The following NXN variants were observed in gnomAD, a reference collection of about 807,000 sequenced individuals.
NXN encodes nucleoredoxin.
A neutral mutation model predicts 48.6 loss-of-function variants in NXN; 16 were observed. The observed-to-expected ratio is 0.33, with a 90% CI of 0.22 to 0.50. The LOEUF is 0.50. Among genes scored for constraint, NXN ranks in the 20% least tolerant of loss-of-function variants. NXN has a pLI of 0.98. For missense variants in NXN, 492 were observed against 605.5 expected (o/e 0.81, Z 1.97); for synonymous variants, 281 against 269.6 (o/e 1.04, Z -0.41).
intron 1 of NXN, among the ~76,000 whole-genome samples, chr17:931,188 G>A (rs190635036): frequency 2.6e-5 from 4 of 151,902 alleles, no homozygotes; most frequent in African/African-American, 9.7e-5. Context: ...ACAGGAGGCT[G>A]AGGTGGGAGA....
At chr17:933,146 A>G (rs1391946966) in intron 1 of NXN, among the ~76,000 whole-genome samples, 2 of 151,236 alleles carry the variant, frequency 1.3e-5, no homozygotes, top group African/African-American at 4.9e-5. Flanking sequence ...ACTCTTGTGG[A>G]TCTGATGTGA....
intron 1 of NXN, among the ~76,000 whole-genome samples, chr17:954,847 T>C (rs1426879695): frequency 6.6e-6 from 1 of 152,238 alleles, no homozygotes; most frequent in African/African-American, 2.4e-5. Flanking sequence ...CCTGACCTTC[T>C]GTAAATTCCT....
chr17:965,269 C>T (rs1432281785), intron 1 of NXN, among the ~76,000 whole-genome samples: 2 of 152,116 alleles, frequency 1.3e-5, no homozygotes, highest in East Asian at 1.9e-4. Flanking sequence ...GAGGGAGTCT[C>T]GATTTTCAAA....
chr17:882,703 G>T lies in NXN; in HGVS notation c.361-56625C>A, dbSNP rs181157562. Among the ~76,000 whole-genome samples the T allele has an allele frequency of 4.4e-4, 67 of 152,134 alleles. No homozygotes were observed. In the East Asian group the frequency reaches 0.011, roughly 25 times the overall value. Reference sequence around the variant, plus strand: ...GATGGTCTCGATCTCCTGACCTCGTGATCTGCCTGCCTTGGCCTCCCAAAG... The same window carrying T: ...GATGGTCTCGATCTCCTGACCTCGTTATCTGCCTGCCTTGGCCTCCCAAAG... On this transcript the variant is annotated intron_variant, in intron 1 of 7. Coordinates refer to ENST00000336868, the MANE Select transcript of NXN (RefSeq NM_022463.5).
Position 825,919 on chromosome 17 carries a change from G to A in NXN, c.478+42C>T. On this transcript the variant is annotated intron_variant, in intron 2 of 7. Transcript: ENST00000336868. This position sits in a 1 kb window ranked among gnomAD's most constrained non-coding sequence, Gnocchi z 4.1. Reference sequence around the variant, plus strand: ...AGCCTAAGGGCATGGAGGAGGGAGGGCTGGGTAATAAGAGGACCATATGCA... The same window carrying A: ...AGCCTAAGGGCATGGAGGAGGGAGGACTGGGTAATAAGAGGACCATATGCA... 1.6e-6 allele frequency: 2 copies of A among 1,278,574 alleles called. No homozygotes were observed. The highest frequency in any genetic ancestry group is 2.2e-6 in the Non-Finnish European group (2 of 890,610). The allele number at this position is 1,278,574 out of a possible 1,614,324, so 79.2% of individuals were successfully genotyped here.
chr17:910,708 T>C lies in NXN; in HGVS notation c.360+68611A>G, dbSNP rs1287576474. ...ATTGCTTCCAGATTCTTCAAGTAAC[T>C]GTACTCCTTGGAATGGTCAACCCAG... On this transcript the variant is annotated intron_variant, in intron 1 of 7. Coordinates refer to ENST00000336868, the MANE Select transcript of NXN (RefSeq NM_022463.5). 7 of 152,340 alleles carry C rather than the reference T, an allele frequency of 4.6e-5. 1 individual carries two copies. The South Asian group carries it at 1.5e-3, about 32-fold the overall frequency. 9.4% of individuals were successfully genotyped at this position (152,340 alleles called of 1,614,324 possible).
In NXN at chr17:849,756, G is replaced by A. The variant is rs535237843; in HGVS notation, c.361-23678C>T. Among the ~76,000 whole-genome samples, 6 of 152,326 alleles carry A rather than the reference G, an allele frequency of 3.9e-5. No individual in the cohort carries two copies. The highest frequency in any genetic ancestry group is 1.4e-4 in the African/African-American group (6 of 41,564). On this transcript the variant is annotated intron_variant, in intron 1 of 7. Coordinates refer to ENST00000336868, the MANE Select transcript of NXN (RefSeq NM_022463.5). The surrounding 1 kb of genome is among the most constrained non-coding windows in gnomAD (Gnocchi z 4.2). ...GTGCTGAAGAGCTGACAGTGGAGGTGAGAACCATAAACTCACGTCAAGGGC... is the reference window on the plus strand; with the variant it reads ...GTGCTGAAGAGCTGACAGTGGAGGTAAGAACCATAAACTCACGTCAAGGGC...
intron 1 of NXN, among the ~76,000 whole-genome samples, chr17:973,017 C>T (rs929885044): frequency 4.1e-5 from 6 of 146,366 alleles, no homozygotes; most frequent in Non-Finnish European, 8.9e-5. Flanking sequence ...GGCGACAGAG[C>T]GAGACTGCGT....
chr17:952,817 G>C (rs2069127357), intron 1 of NXN, among the ~76,000 whole-genome samples: 3 of 145,060 alleles, frequency 2.1e-5, no homozygotes, highest in Admixed American at 6.9e-5. Context: ...TCACACTGTG[G>C]GGGGGCTGGA....
At chr17:953,962 G>A (rs2069140070) in intron 1 of NXN, among the ~76,000 whole-genome samples, 1 of 152,186 alleles carries the variant, frequency 6.6e-6, no homozygotes, top group Non-Finnish European at 1.5e-5. Context: ...GTGTGGCTCC[G>A]TGCTGCGGCT....
intron 1 of NXN, among the ~76,000 whole-genome samples, chr17:875,057 A>G (rs1358582885): frequency 6.6e-6 from 1 of 151,280 alleles, no homozygotes; most frequent in African/African-American, 2.4e-5. Flanking sequence ...TCTGAGACAG[A>G]GTCTTACTCT....
intron 1 of NXN, among the ~76,000 whole-genome samples, chr17:871,643 G>A (rs2068156346): frequency 6.6e-6 from 1 of 151,990 alleles, no homozygotes; most frequent in African/African-American, 2.4e-5. Context: ...GACCTCAGGT[G>A]ATCCACCTGC....
At chr17:914,098 C>T (rs1005030928) in intron 1 of NXN, among the ~76,000 whole-genome samples, 3 of 152,114 alleles carry the variant, frequency 2.0e-5, no homozygotes, top group African/African-American at 7.2e-5. Flanking sequence ...CAGGGTTTCG[C>T]CACATTGGCC....
intron 6 of NXN, 153 bp from the exon 7 acceptor site, chr17:803,959 C>G: frequency 4.3e-6 from 4 of 922,878 alleles, no homozygotes; most frequent in Non-Finnish European, 6.6e-6. Flanking sequence ...AGGTCTTGCT[C>G]CCCGCATGCA....
At chr17:854,681 G>A (rs994216806) in intron 1 of NXN, among the ~76,000 whole-genome samples, 13 of 146,896 alleles carry the variant, frequency 8.8e-5, no homozygotes, top group East Asian at 2.2e-4. Context: ...AATTGCAGCC[G>A]GGCACGGTGG....
At chr17:943,365 C>T (rs1327223681) in intron 1 of NXN, among the ~76,000 whole-genome samples, 1 of 152,024 alleles carries the variant, frequency 6.6e-6, no homozygotes, top group Non-Finnish European at 1.5e-5. Flanking sequence ...GGTCGACTGG[C>T]CAGAGGGTTC....
chr17:842,093 G>A (rs948463144), intron 1 of NXN, among the ~76,000 whole-genome samples: 16 of 152,134 alleles, frequency 1.1e-4, no homozygotes, highest in South Asian at 6.2e-4. Flanking sequence ...CTGAGATCCC[G>A]CCATTGCACT....
intron 5 of NXN, among the ~76,000 whole-genome samples, chr17:810,301 G>A (rs1329254129): frequency 8.7e-5 from 12 of 138,224 alleles, no homozygotes; most frequent in African/African-American, 1.0e-4. Flanking sequence ...CACGTTACGA[G>A]TCTGTGAGTG....
At chr17:890,576 T>G (rs1381818474) in intron 1 of NXN, among the ~76,000 whole-genome samples, 2 of 142,944 alleles carry the variant, frequency 1.4e-5, no homozygotes, top group African/African-American at 6.0e-5. Flanking sequence ...GAGATGGGGT[T>G]TTCACCTTGT....
Sources: gnomAD v4.1 joint callset for allele counts (sites outside exome capture counted in the v4.1 genomes callset) on GRCh38, gnomAD v4.1.1 for gene constraint, Gnocchi (gnomAD v3.1) non-coding constraint, MANE v1.5 for transcripts, NCBI Gene and HGNC (gene_info 2026-07-23, HGNC 2026-07-21) for gene names.